TRAF3IP1: variants seen among roughly 807,000 people sequenced by gnomAD.
TRAF3IP1 encodes the protein TRAF3-interacting protein 1.
In TRAF3IP1, 53 loss-of-function variants were observed where a neutral mutation model predicts 89.9. That is an observed-to-expected ratio of 0.59 (90% CI 0.47 to 0.74). The LOEUF is 0.74. Among genes scored for constraint, TRAF3IP1 ranks in the 30% least tolerant of loss-of-function variants. TRAF3IP1 has a pLI of 0.00. For synonymous variants in TRAF3IP1, 311 were observed against 322.1 expected (o/e 0.97, Z 0.37); for missense variants, 806 against 866.1 (o/e 0.93, Z 0.87).
chr2:238,344,756 C>T (rs748916447), intron 9 of TRAF3IP1, 158 bp downstream of exon 9: 36 of 718,166 alleles, frequency 5.0e-5, no homozygotes. Context: ...TTTGCATAAA[C>T]TAGAATCGAA....
At position 238,398,778 on chromosome 2, in the gene TRAF3IP1, C is replaced by T; in HGVS notation, c.1935C>T (p.Pro645=). The T allele has an allele frequency of 6.2e-7, 1 of 1,610,458 alleles. No homozygotes were observed. ...EQRITDCAVE[P]LKAELAELEQ... ...GGATCACAGACTGTGCCGTGGAGCC[C>T]TTAAAGGCTGAGCTCGCGGAGCTGG... The change falls in exon 17 of 17, where the codon CCC becomes CCT. Residue 645 remains proline, a synonymous_variant. Transcript: ENST00000373327.
intron 15 of TRAF3IP1, among the ~76,000 whole-genome samples, chr2:238,385,078 C>T (rs1438722192): frequency 3.3e-5 from 5 of 151,762 alleles, no homozygotes; most frequent in African/African-American, 2.4e-5. Context: ...TGCAATGGTG[C>T]GATCTCGGCT....
chr2:238,385,815 A>C (rs1263946907), intron 15 of TRAF3IP1, among the ~76,000 whole-genome samples: 1 of 152,084 alleles, frequency 6.6e-6, no homozygotes, highest in Non-Finnish European at 1.5e-5. Flanking sequence ...GAAAGGGGGA[A>C]GTCAGACTGG....
At chr2:238,354,682 GC>G (rs1015342654) in intron 14 of TRAF3IP1, among the ~76,000 whole-genome samples, 11 of 151,686 alleles carry the variant, frequency 7.3e-5, no homozygotes, top group African/African-American at 2.7e-4. Flanking sequence ...ATGGAGTCTC[GC>G]CCTGTCGCCC....
intron 8 of TRAF3IP1, among the ~76,000 whole-genome samples, chr2:238,340,959 G>T (rs972607332): frequency 6.6e-6 from 1 of 152,080 alleles, no homozygotes; most frequent in Non-Finnish European, 1.5e-5. Flanking sequence ...CCGGGTTCAA[G>T]CGATTCTTCT....
intron 8 of TRAF3IP1, among the ~76,000 whole-genome samples, chr2:238,342,612 G>A (rs1052431864): frequency 6.6e-5 from 10 of 152,206 alleles, no homozygotes; most frequent in South Asian, 6.2e-4. Flanking sequence ...TTGAAATCAA[G>A]TACACAACTT....
Position 238,320,553 on chromosome 2 carries a change from G to A in TRAF3IP1, c.-110G>A, listed in dbSNP as rs1464715395. The A allele has an allele frequency of 3.2e-5, 33 of 1,032,946 alleles. No individual in the cohort carries two copies. The highest frequency in any genetic ancestry group is 3.5e-5 in the Non-Finnish European group (30 of 862,462). The allele number at this position is 1,032,946 out of a possible 1,614,324, so 64.0% of individuals were successfully genotyped here. ...ATGGAAACCGGAGCGGCGCGTCCTGGCAGGACCGGGCGGCGGCGGCGGCGG... is the reference window on the plus strand; with the variant it reads ...ATGGAAACCGGAGCGGCGCGTCCTGACAGGACCGGGCGGCGGCGGCGGCGG... On this transcript the variant is annotated 5_prime_UTR_variant, in exon 1 of 17. Transcript: ENST00000373327.
chr2:238,342,774 A>G (rs950703693), intron 8 of TRAF3IP1, among the ~76,000 whole-genome samples: 1 of 152,294 alleles, frequency 6.6e-6, no homozygotes, highest in East Asian at 1.9e-4. Context: ...GAATCAGACT[A>G]TTTAAGTCAG....
intron 1 of TRAF3IP1, among the ~76,000 whole-genome samples, chr2:238,324,356 C>T (rs1215456250): frequency 2.0e-5 from 3 of 152,140 alleles, no homozygotes; most frequent in Non-Finnish European, 2.9e-5. Flanking sequence ...GTGTAAGCCA[C>T]TGTGCCCAGC....
At chr2:238,321,284 C>T (rs1274355108) in intron 1 of TRAF3IP1, among the ~76,000 whole-genome samples, 1 of 152,250 alleles carries the variant, frequency 6.6e-6, no homozygotes, top group African/African-American at 2.4e-5. Flanking sequence ...CTCGTCTAAC[C>T]TTGCAGAACC....
At chr2:238,397,425 G>T (rs1448535472) in intron 15 of TRAF3IP1, 34 bp from the exon 16 acceptor site, 1 of 1,600,482 alleles carries the variant, frequency 6.2e-7, no homozygotes, top group East Asian at 2.2e-5. Flanking sequence ...GACTGAGGAG[G>T]CGTGTTCCTC....
intron 15 of TRAF3IP1, among the ~76,000 whole-genome samples, chr2:238,396,476 A>G (rs556415993): frequency 6.6e-6 from 1 of 151,846 alleles, no homozygotes; most frequent in Non-Finnish European, 1.5e-5. Flanking sequence ...ACATGTATAC[A>G]TATGTAACAA....
At position 238,333,997 on chromosome 2, in the gene TRAF3IP1, C is replaced by T; in HGVS notation, c.1025C>T (p.Thr342Ile). Residue 342 changes from threonine to isoleucine, a missense_variant, in exon 7 of 17, where the codon ACA (threonine) becomes ATA (isoleucine). By Grantham distance (89) the Thr-to-Ile change is moderately conservative. Coordinates refer to ENST00000373327, the MANE Select transcript of TRAF3IP1 (RefSeq NM_015650.4). ...ISTRASKSLTTKTSKRRSKNS... is the reference protein window; with the variant it reads ...ISTRASKSLTIKTSKRRSKNS... ...ACTAGAGCTTCCAAGTCATTGACAA[C>T]AAAAACATCAAAACGGCGATCCAAA... 6.2e-7 allele frequency: 1 copy of T among 1,609,740 alleles called. No individual in the cohort carries two copies. Among genetic ancestry groups the T allele is most frequent in the South Asian group, 1.1e-5 (1 of 90,468 alleles).
chr2:238,332,181 G>A (rs543796256), intron 5 of TRAF3IP1, among the ~76,000 whole-genome samples: 4 of 152,240 alleles, frequency 2.6e-5, no homozygotes, highest in South Asian at 4.1e-4. Context: ...TTGAAATATC[G>A]AACAGGCATT....
At chr2:238,364,577 T>C (rs1260566606) in intron 15 of TRAF3IP1, among the ~76,000 whole-genome samples, 2 of 152,146 alleles carry the variant, frequency 1.3e-5, no homozygotes, top group East Asian at 1.9e-4. Flanking sequence ...TAAATATTTC[T>C]CACTCCTAAT....
chr2:238,344,686 C>G, intron 9 of TRAF3IP1, 88 bp downstream of exon 9: 5 of 1,140,188 alleles, frequency 4.4e-6, no homozygotes, highest in Non-Finnish European at 6.6e-6. Context: ...GCCCAGAGCC[C>G]GAGGTTTTCC....
In TRAF3IP1 at chr2:238,320,872, T is replaced by C. The variant is rs536208481; in HGVS notation, c.123+87T>C. Reference sequence around the variant, plus strand: ...AGGGCCCGGGCCGGGTGGCGCCGGGTGCGAGCCGGGCTCGGGCTCAGGTGC... The same window carrying C: ...AGGGCCCGGGCCGGGTGGCGCCGGGCGCGAGCCGGGCTCGGGCTCAGGTGC... On this transcript the variant is annotated intron_variant, in intron 1 of 16. Coordinates refer to ENST00000373327, the MANE Select transcript of TRAF3IP1 (RefSeq NM_015650.4). 6.1e-4 allele frequency: 682 copies of C among 1,126,286 alleles called. 3 individuals carry two copies. In the African/African-American group the frequency reaches 0.01, roughly 17 times the overall value. 69.8% of individuals were successfully genotyped at this position (1,126,286 alleles called of 1,614,324 possible). A position where few individuals can be genotyped will look rare whatever the true frequency, so the allele number is the denominator to read the frequency against.
At position 238,398,865 on chromosome 2, in the gene TRAF3IP1, T is replaced by C. The variant is rs540894993; in HGVS notation, c.2022T>C (p.Asn674=). The change falls in exon 17 of 17, where the codon AAT becomes AAC. Residue 674 remains asparagine, a synonymous_variant. Coordinates refer to ENST00000373327, the MANE Select transcript of TRAF3IP1 (RefSeq NM_015650.4). The part of the protein sequence containing the change: ...ICAVKANILK[N]EEKIQKMVYS... ...CTGTGAAGGCCAACATCCTCAAGAA[T>C]GAAGAAAAAATCCAGAAAATGGTAT... 1 of 1,612,946 alleles carries C rather than the reference T, an allele frequency of 6.2e-7. No homozygotes were observed. Among genetic ancestry groups the C allele is most frequent in the Non-Finnish European group, 8.5e-7 (1 of 1,179,626 alleles).
chr2:238,329,061 C>G lies in TRAF3IP1; in HGVS notation c.634C>G (p.His212Asp). ...EKAKENGGNR[H>D]REGERERAKA... The stretch of plus-strand genomic sequence containing the variant: ...GGCCAAGGAGAATGGCGGAAACAGA[C>G]ACAGAGAAGGGGAGAGAGAGAGAGC... Residue 212 changes from histidine to aspartate, a missense_variant, in exon 5 of 17, where the codon CAC becomes GAC. His to Asp is a moderately conservative substitution (Grantham distance 81). Transcript: ENST00000373327. The G allele has an allele frequency of 6.4e-7, 1 of 1,551,266 alleles. No individual in the cohort carries two copies. Among genetic ancestry groups the G allele is most frequent in the Non-Finnish European group, 8.7e-7 (1 of 1,146,982 alleles).
Sources: gnomAD v4.1 joint callset for allele counts (sites outside exome capture counted in the v4.1 genomes callset) on GRCh38, gnomAD v4.1.1 for gene constraint, MANE v1.5 for transcripts, NCBI Gene and HGNC (gene_info 2026-07-23, HGNC 2026-07-21) for gene names.